The following ABTB3 variants were observed in gnomAD, a reference collection of about 807,000 sequenced individuals.
ABTB3 encodes the protein ankyrin repeat- and BTB/POZ domain-containing protein 3.
the ABTB3 span, among the ~76,000 whole-genome samples, chr12:107,651,233 TGAG>T: frequency 1.3e-5 from 2 of 152,130 alleles, no homozygotes; most frequent in Admixed American, 1.3e-4. Flanking sequence ...GCTGTGACTC[TGAG>T]GAGTGAGACA....
the ABTB3 span, among the ~76,000 whole-genome samples, chr12:107,363,075 C>A: frequency 6.6e-6 from 1 of 152,272 alleles, no homozygotes; most frequent in East Asian, 1.9e-4. Context: ...GGGTGATAAC[C>A]CTTAAACTTA....
chr12:107,595,513 T>G, the ABTB3 span, among the ~76,000 whole-genome samples: 23 of 152,344 alleles, frequency 1.5e-4, no homozygotes, highest in Middle Eastern at 3.4e-3. Context: ...ACTTGAAGCC[T>G]ATGATTAGGA....
chr12:107,470,006 T>C, the ABTB3 span, among the ~76,000 whole-genome samples: 283 of 47,116 alleles, frequency 6.0e-3, 13 homozygotes, highest in African/African-American at 0.028. Flanking sequence ...CTTTCTTTCT[T>C]TCTTTCTCTC....
At chr12:107,326,878 T>C in the ABTB3 span, among the ~76,000 whole-genome samples, 1 of 152,168 alleles carries the variant, frequency 6.6e-6, no homozygotes, top group Non-Finnish European at 1.5e-5. Context: ...CATTGTGGGG[T>C]TGTATCCTAG....
chr12:107,346,467 A>AT, the ABTB3 span, among the ~76,000 whole-genome samples: 35 of 150,250 alleles, frequency 2.3e-4, no homozygotes, highest in South Asian at 1.7e-3. Context: ...TCTGCTCTTA[A>AT]TTTTTTTTTT....
chr12:107,351,223 G>C, the ABTB3 span, among the ~76,000 whole-genome samples: 1 of 152,196 alleles, frequency 6.6e-6, no homozygotes, highest in African/African-American at 2.4e-5. Flanking sequence ...TCATGCAGTT[G>C]GTATCCGGGT....
At chr12:107,513,845 G>T in the ABTB3 span, among the ~76,000 whole-genome samples, 1 of 152,182 alleles carries the variant, frequency 6.6e-6, no homozygotes, top group Non-Finnish European at 1.5e-5. Flanking sequence ...GACATGGTTG[G>T]CCCAGGGTTC....
At chr12:107,526,155 T>C in the ABTB3 span, among the ~76,000 whole-genome samples, 3 of 152,208 alleles carry the variant, frequency 2.0e-5, no homozygotes, top group Admixed American at 2.0e-4. Context: ...GTAGGACTCT[T>C]AATGAAACTC....
the ABTB3 span, chr12:107,581,378 G>T: frequency 8.2e-7 from 1 of 1,214,114 alleles, no homozygotes; most frequent in South Asian, 2.3e-5. Flanking sequence ...CCTCCAATCA[G>T]AGCCCCGCTG....
At chr12:107,525,459 C>T in the ABTB3 span, among the ~76,000 whole-genome samples, 120 of 151,732 alleles carry the variant, frequency 7.9e-4, no homozygotes, top group Admixed American at 7.9e-4. Flanking sequence ...CATTGTGTTA[C>T]GATTGCCCAC....
the ABTB3 span, chr12:107,617,221 A>G: frequency 1.9e-6 from 3 of 1,611,884 alleles, no homozygotes; most frequent in Non-Finnish European, 2.5e-6. Flanking sequence ...AGGGAGCTCC[A>G]GTGCACCCTG....
the ABTB3 span, among the ~76,000 whole-genome samples, chr12:107,445,361 C>T: frequency 6.6e-6 from 1 of 152,202 alleles, no homozygotes; most frequent in African/African-American, 2.4e-5. Context: ...ATGCCAGGCA[C>T]ACCACATGAG....
the ABTB3 span, among the ~76,000 whole-genome samples, chr12:107,420,489 C>T: frequency 5.9e-5 from 9 of 152,270 alleles, no homozygotes; most frequent in Non-Finnish European, 1.0e-4. Context: ...TCATATCAGA[C>T]TTATTCACTA....
the ABTB3 span, among the ~76,000 whole-genome samples, chr12:107,594,364 A>G: frequency 2.6e-5 from 4 of 152,100 alleles, no homozygotes; most frequent in African/African-American, 7.2e-5. Flanking sequence ...GGCAGGGAGG[A>G]GGACTTAGAA....
chr12:107,374,652 G>A, the ABTB3 span: 4 of 152,202 alleles, frequency 2.6e-5, no homozygotes, highest in African/African-American at 7.2e-5. Flanking sequence ...TTCTGGGCCC[G>A]AGCAGAGGAA....
the ABTB3 span, chr12:107,486,564 A>G: frequency 1.3e-5 from 2 of 152,056 alleles, no homozygotes; most frequent in South Asian, 2.1e-4. Context: ...CCAAGTATTA[A>G]TCAGGCCCAG....
chr12:107,423,018 CT>C, the ABTB3 span, among the ~76,000 whole-genome samples: 1 of 152,198 alleles, frequency 6.6e-6, no homozygotes, highest in Non-Finnish European at 1.5e-5. Flanking sequence ...GTTACCTGCC[CT>C]TTTCTGACAC....
At chr12:107,384,295 A>C in the ABTB3 span, among the ~76,000 whole-genome samples, 1 of 152,208 alleles carries the variant, frequency 6.6e-6, no homozygotes, top group South Asian at 2.1e-4. Context: ...TTGGGGTTCC[A>C]ACTCAAGCAG....
the ABTB3 span, among the ~76,000 whole-genome samples, chr12:107,525,781 A>G: frequency 2.0e-5 from 3 of 152,182 alleles, no homozygotes; most frequent in African/African-American, 7.2e-5. Flanking sequence ...CAAAACACTT[A>G]TCTTTGTCCA....
Sources: allele counts gnomAD v4.1 joint callset (sites outside exome capture counted in the v4.1 genomes callset), GRCh38; gene constraint gnomAD v4.1.1; transcripts MANE v1.5; gene names NCBI Gene and HGNC (gene_info 2026-07-23, HGNC 2026-07-21).